Variants in DLG1 observed in about 807,000 individuals in gnomAD.
The protein encoded by DLG1 is disks large homolog 1.
In DLG1, 42 loss-of-function variants were observed where a neutral mutation model predicts 123.4. The observed-to-expected ratio is 0.34, with a 90% confidence interval of 0.27 to 0.44. The LOEUF (loss-of-function observed/expected upper bound fraction) is 0.44, where lower values mean the gene tolerates loss of function less well. Ranked by LOEUF, DLG1 falls within the 20% of genes least tolerant of loss-of-function variation. The pLI, the probability that DLG1 is intolerant of heterozygous loss-of-function variation, is 1.00. For missense variants in DLG1, 942 were observed against 1,082.6 expected (o/e 0.87, Z 1.82); for synonymous variants, 317 against 356.2 (o/e 0.89, Z 1.24).
At chr3:197,054,121 A>G (rs1467478445) in intron 23 of DLG1, among the ~76,000 whole-genome samples, 1 of 152,132 alleles carries the variant, frequency 6.6e-6, no homozygotes, top group Admixed American at 6.5e-5. Flanking sequence ...AAAAACAGTG[A>G]CTGATAATCT....
At chr3:197,110,638 C>T (rs1769395992) in intron 13 of DLG1, among the ~76,000 whole-genome samples, 1 of 152,170 alleles carries the variant, frequency 6.6e-6, no homozygotes, top group South Asian at 2.1e-4. Context: ...GATAGCAGAA[C>T]TGTCCTCTTA....
chr3:197,046,456 T>G (rs1723136872), intron 24 of DLG1, among the ~76,000 whole-genome samples: 1 of 152,204 alleles, frequency 6.6e-6, no homozygotes, highest in Admixed American at 6.5e-5. Context: ...TAAACCTCCT[T>G]GCATGATACA....
chr3:197,262,437 A>G (rs1249483912), intron 4 of DLG1, among the ~76,000 whole-genome samples: 1 of 152,140 alleles, frequency 6.6e-6, no homozygotes, highest in African/African-American at 2.4e-5. Context: ...TATCCTTTAT[A>G]ACATCTTTTA....
At chr3:197,120,273 GAAAA>G (rs3050713) in intron 11 of DLG1, among the ~76,000 whole-genome samples, 5 of 127,586 alleles carry the variant, frequency 3.9e-5, no homozygotes, top group African/African-American at 1.1e-4. Flanking sequence ...TCTCGAGAAA[GAAAA>G]AAAAAAAAAA....
chr3:197,055,832 AG>A (rs1731293857), intron 23 of DLG1, among the ~76,000 whole-genome samples: 1 of 152,144 alleles, frequency 6.6e-6, no homozygotes, highest in African/African-American at 2.4e-5. Context: ...CCTCAAGTGG[AG>A]GGGCTTGTAA....
In DLG1 at chr3:197,130,632, C is replaced by A; in HGVS notation, c.1060G>T (p.Ala354Ser). 6.2e-7 allele frequency: 1 copy of A among 1,608,528 alleles called. No individual in the cohort carries two copies. Among genetic ancestry groups the A allele is most frequent in the Non-Finnish European group, 8.5e-7 (1 of 1,178,062 alleles). The change falls in exon 11 of 25, where the codon GCA becomes TCA. Residue 354 changes from alanine to serine, a missense_variant. Coordinates refer to ENST00000667157, the MANE Select transcript of DLG1 (RefSeq NM_001366207.1). Reference protein sequence around the residue: ...VCLEEVTHEEAVTALKNTSDF... With the variant: ...VCLEEVTHEESVTALKNTSDF... ...GATGTGTTCTTTAAGGCAGTTACTG[C>A]TTCTTCATGAGTAACTTCTTCTAAA...
rs545750599 is a variant in DLG1, at chr3:197,258,576, G to T, written c.318+24103C>A. ...CAAGTGGGAGAGAGGGGAGGCGGAT[G>T]ATGAAAAAAATTTCACTTGGAAAGG... On this transcript the variant is annotated intron_variant, in intron 4 of 24. Transcript: ENST00000667157. Among the ~76,000 whole-genome samples, 21 of 152,220 alleles carry T rather than the reference G, an allele frequency of 1.4e-4. 1 individual carries two copies. In the South Asian group the frequency reaches 4.4e-3, roughly 32 times the overall value.
At position 197,123,371 on chromosome 3, in the gene DLG1, G is replaced by A. The variant is rs577743921; in HGVS notation, c.1166-3841C>T. Among the ~76,000 whole-genome samples the A allele has an allele frequency of 2.6e-5, 4 of 152,166 alleles. 1 individual carries two copies. Among genetic ancestry groups the A allele is most frequent in the Admixed American group, 2.6e-4 (4 of 15,272 alleles). ...TCTGCAACAGATGTAACTGATTAGA[G>A]TTATTTCTCAAATACATAAAACTTC... On this transcript the variant is annotated intron_variant, in intron 11 of 24. Coordinates refer to ENST00000667157, the MANE Select transcript of DLG1 (RefSeq NM_001366207.1).
chr3:197,229,794 T>C (rs991045594), intron 4 of DLG1, among the ~76,000 whole-genome samples: 4 of 152,222 alleles, frequency 2.6e-5, no homozygotes, highest in African/African-American at 9.6e-5. Context: ...GTAATCGCCT[T>C]ACTTAATCCA....
intron 3 of DLG1, among the ~76,000 whole-genome samples, chr3:197,294,737 C>G (rs1024610068): frequency 1.3e-5 from 2 of 149,336 alleles, no homozygotes; most frequent in Non-Finnish European, 3.0e-5. Context: ...ACATTCAAAA[C>G]AGGCAAGGCA....
chr3:197,122,147 T>C (rs1326331277), intron 11 of DLG1, among the ~76,000 whole-genome samples: 2 of 152,062 alleles, frequency 1.3e-5, no homozygotes, highest in African/African-American at 4.8e-5. Flanking sequence ...TATAAGGATG[T>C]GGGTTTTTTC....
chr3:197,190,311 C>T (rs547741227), intron 5 of DLG1, among the ~76,000 whole-genome samples: 120 of 151,998 alleles, frequency 7.9e-4, no homozygotes, highest in Non-Finnish European at 1.1e-3. Context: ...TTTGCATTCA[C>T]GGGGGACTAG....
At chr3:197,070,665 T>G (rs1743253455) in intron 18 of DLG1, 1 of 149,416 alleles carries the variant, frequency 6.7e-6, no homozygotes, top group Non-Finnish European at 1.5e-5. Context: ...CCTCCTAGGT[T>G]TAAGCGATTC....
intron 13 of DLG1, among the ~76,000 whole-genome samples, chr3:197,108,302 G>A (rs1051656740): frequency 3.3e-5 from 5 of 152,078 alleles, no homozygotes; most frequent in African/African-American, 1.2e-4. Flanking sequence ...GGATAATACT[G>A]GCCACACAGA....
intron 3 of DLG1, among the ~76,000 whole-genome samples, chr3:197,289,404 T>C (rs1441919375): frequency 2.6e-5 from 4 of 151,884 alleles, no homozygotes; most frequent in African/African-American, 7.3e-5. Flanking sequence ...ATGGATGAAG[T>C]AGGAGGTAAC....
At chr3:197,295,311 T>C (rs1482787961) in intron 3 of DLG1, among the ~76,000 whole-genome samples, 3 of 152,222 alleles carry the variant, frequency 2.0e-5, no homozygotes. Context: ...ATCAATAATG[T>C]ACCTGACAGG....
intron 4 of DLG1, among the ~76,000 whole-genome samples, chr3:197,280,640 C>T (rs1043675633): frequency 1.3e-5 from 2 of 152,100 alleles, no homozygotes; most frequent in African/African-American, 4.8e-5. Flanking sequence ...GGTTACATTA[C>T]TTAAACAATC....
intron 6 of DLG1, 130 bp downstream of exon 6, chr3:197,149,613 T>C: frequency 1.4e-6 from 1 of 690,852 alleles, no homozygotes; most frequent in Non-Finnish European, 2.6e-6. Flanking sequence ...ATTACAGCTA[T>C]AGTATATAGT....
intron 4 of DLG1, among the ~76,000 whole-genome samples, chr3:197,222,677 T>C (rs1292985577): frequency 3.3e-5 from 5 of 152,192 alleles, no homozygotes; most frequent in Non-Finnish European, 7.3e-5. Context: ...CAGTACCTTT[T>C]CCAATAAAAT....
Sources: gnomAD v4.1 joint callset for allele counts (sites outside exome capture counted in the v4.1 genomes callset) on GRCh38, gnomAD v4.1.1 for gene constraint, MANE v1.5 for transcripts, NCBI Gene and HGNC (gene_info 2026-07-23, HGNC 2026-07-21) for gene names.